The following GRK2 variants were observed in gnomAD, a reference collection of about 807,000 sequenced individuals.
The protein encoded by GRK2 is G protein-coupled receptor kinase 2.
A neutral mutation model predicts 97.8 loss-of-function variants in GRK2; 23 were observed. The ratio of observed to expected loss-of-function variants is 0.24; its 90% CI spans 0.17 to 0.33. The LOEUF (loss-of-function observed/expected upper bound fraction) is 0.33, where lower values mean the gene tolerates loss of function less well. Ranked by LOEUF, GRK2 falls within the 10% of genes least tolerant of loss-of-function variation. GRK2 has a pLI of 1.00. For synonymous variants in GRK2, 425 were observed against 381.7 expected (o/e 1.11, Z -1.32); for missense variants, 633 against 956.9 (o/e 0.66, Z 4.47).
intron 15 of GRK2, 128 bp downstream of exon 15, chr11:67,283,356 C>A: frequency 1.2e-6 from 1 of 808,690 alleles, no homozygotes; most frequent in South Asian, 1.5e-5. Context: ...TGGGGCATGG[C>A]CAGCCCTGTC....
At chr11:67,274,430 A>G (rs1484174985) in intron 1 of GRK2, among the ~76,000 whole-genome samples, 8 of 141,408 alleles carry the variant, frequency 5.7e-5, no homozygotes, top group Non-Finnish European at 1.1e-4. Flanking sequence ...GGTGACCCCT[A>G]CAGGCTGGGA....
Position 67,283,927 on chromosome 11 carries a change from A to C in GRK2, c.1469A>C (p.Glu490Ala), listed in dbSNP as rs377477573. Reference sequence around the variant, plus strand: ...GCCTTCGACATTGGCTCCTTCGATGAGGAGGACACAAAAGGAATCAAGGTA... The same window carrying C: ...GCCTTCGACATTGGCTCCTTCGATGCGGAGGACACAAAAGGAATCAAGGTA... Reference protein sequence around the residue: ...ADAFDIGSFDEEDTKGIKLLD... With the variant: ...ADAFDIGSFDAEDTKGIKLLD... Residue 490 changes from glutamate (E) to alanine (A), a missense_variant, in exon 17 of 21, where the codon GAG becomes GCG. Around this residue, in one of 4 missense-constraint regions of GRK2, gnomAD observed 180 missense variants for 311.3 expected, o/e 0.58. Coordinates refer to ENST00000308595, the MANE Select transcript of GRK2 (RefSeq NM_001619.5). The C allele has an allele frequency of 3.7e-6, 6 of 1,611,736 alleles. No individual in the cohort carries two copies. Among genetic ancestry groups the C allele is most frequent in the Non-Finnish European group, 5.1e-6 (6 of 1,179,326 alleles).
chr11:67,267,401 C>T (rs1223649925), intron 1 of GRK2, among the ~76,000 whole-genome samples: 1 of 152,236 alleles, frequency 6.6e-6, no homozygotes, highest in African/African-American at 2.4e-5. Context: ...CTGGTGGGGT[C>T]GCTGTCCTGG....
intron 1 of GRK2, among the ~76,000 whole-genome samples, chr11:67,272,958 G>T (rs1485662447): frequency 6.6e-6 from 1 of 152,262 alleles, no homozygotes; most frequent in African/African-American, 2.4e-5. Flanking sequence ...AGCATGGACT[G>T]TCGGTGAGCC....
rs61763967 is a variant in GRK2 at position 67,282,855 on chromosome 11, G to T, written c.1227+37G>T. ...TCTCAGTGCAGGGCCGCAGGGGGCT[G>T]GGGGGAGCTCCTGTGGGTGCCAGGC... is the stretch of plus-strand genomic sequence containing the variant. On this transcript the variant is annotated intron_variant, in intron 14 of 20. Coordinates refer to ENST00000308595, the MANE Select transcript of GRK2 (RefSeq NM_001619.5). The surrounding 1 kb of genome is among the most constrained non-coding windows in gnomAD (Gnocchi z 6.9). 685 of 1,574,594 alleles carry T rather than the reference G, an allele frequency of 4.4e-4. 7 individuals carry two copies. In the South Asian group the frequency reaches 4.4e-3, roughly 10 times the overall value.
chr11:67,270,183 C>G (rs750956583), intron 1 of GRK2, among the ~76,000 whole-genome samples: 4 of 152,208 alleles, frequency 2.6e-5, no homozygotes, highest in Non-Finnish European at 4.4e-5. Flanking sequence ...TTCCCAGCAG[C>G]CAGCAGTCTT....
In GRK2 at chr11:67,286,009, G is replaced by A; in HGVS notation, c.*559G>A. ...TTCAGGAAAAGCCTCTGTGTCACTG[G>A]CTGCCTCCACTCCCACTTCCCTGAC... On this transcript the variant is annotated 3_prime_UTR_variant, in exon 21 of 21. Coordinates refer to ENST00000308595, the MANE Select transcript of GRK2 (RefSeq NM_001619.5). 3.7e-6 allele frequency: 1 copy of A among 272,830 alleles called. No homozygotes were observed. The allele number at this position is 272,830 out of a possible 1,614,324, so 16.9% of individuals were successfully genotyped here. A position where few individuals can be genotyped will look rare whatever the true frequency, so the allele number is the denominator to read the frequency against.
chr11:67,275,921 G>A (rs958594659), intron 1 of GRK2, among the ~76,000 whole-genome samples: 1 of 152,166 alleles, frequency 6.6e-6, no homozygotes, highest in African/African-American at 2.4e-5. Flanking sequence ...GGAGCAGGGG[G>A]TGGCTTTGGC....
intron 2 of GRK2, 107 bp from the exon 3 acceptor site, chr11:67,279,093 C>T (rs1268462189): frequency 1.6e-5 from 15 of 929,712 alleles, no homozygotes; most frequent in Non-Finnish European, 2.6e-5. Flanking sequence ...CCACCTTTGC[C>T]ACCTCCATAG....
Position 67,279,525 on chromosome 11 carries a change from T to A in GRK2, c.366+6T>A. ...AGCTGCTGGCCTGCTCGCATGTGAG[T>A]GTCCTCAGCTGGCCCTGTGTGCTGG... On this transcript the variant is annotated splice_donor_region_variant and intron_variant, in intron 4 of 20. Coordinates refer to ENST00000308595, the MANE Select transcript of GRK2 (RefSeq NM_001619.5). The A allele has an allele frequency of 6.2e-7, 1 of 1,612,970 alleles. No homozygotes were observed. The highest frequency in any genetic ancestry group is 8.5e-7 in the Non-Finnish European group (1 of 1,179,898).
intron 2 of GRK2, 52 bp from the exon 3 acceptor site, chr11:67,279,146 TGG>T (rs1860092485): frequency 6.8e-7 from 1 of 1,461,872 alleles, no homozygotes; most frequent in Non-Finnish European, 9.6e-7. Flanking sequence ...TCCACAATGA[TGG>T]GAAGGCCTCT....
In GRK2 at chr11:67,282,451, A is replaced by C; in HGVS notation, c.1069A>C (p.Met357Leu). The C allele has an allele frequency of 1.2e-6, 2 of 1,612,436 alleles. No homozygotes were observed. The highest frequency in any genetic ancestry group is 1.1e-5 in the South Asian group (1 of 91,022). ...CTCCCACAGGGGCACCCACGGGTAC[A>C]TGGCTCCGGAGGTCCTGCAGAAGGG... ...PHASVGTHGYMAPEVLQKGVA... is the reference protein window; with the variant it reads ...PHASVGTHGYLAPEVLQKGVA... The change falls in exon 13 of 21, where the codon ATG becomes CTG. Residue 357 changes from methionine (M) to leucine (L), a missense_variant. This residue lies in a region of GRK2 where 192 missense variants were observed against 362.3 expected (regional missense o/e 0.53). Coordinates refer to ENST00000308595, the MANE Select transcript of GRK2 (RefSeq NM_001619.5). The surrounding 1 kb of genome is among the most constrained non-coding windows in gnomAD (Gnocchi z 6.9).
Position 67,283,756 on chromosome 11 carries a change from A to G in GRK2, c.1378A>G (p.Met460Val). ...SPFFRSLDWQMVFLQKYPPPL... is the reference protein window; with the variant it reads ...SPFFRSLDWQVVFLQKYPPPL... ...CTTTTTCCGCTCCCTGGACTGGCAGATGGTCTTCTTGCAGAAGGTAACAGT... is the reference window on the plus strand; with the variant it reads ...CTTTTTCCGCTCCCTGGACTGGCAGGTGGTCTTCTTGCAGAAGGTAACAGT... The change falls in exon 16 of 21, where the codon ATG becomes GTG. Residue 460 changes from methionine to valine, a missense_variant. Physicochemically the swap from Met to Val is conservative, Grantham distance 21 (BLOSUM62 1). This residue lies in a region of GRK2 where 68 missense variants were observed against 71.0 expected (regional missense o/e 0.96). Coordinates refer to ENST00000308595, the MANE Select transcript of GRK2 (RefSeq NM_001619.5). 2 of 1,613,724 alleles carry G rather than the reference A, an allele frequency of 1.2e-6. No homozygotes were observed. Among genetic ancestry groups the G allele is most frequent in the South Asian group, 2.2e-5 (2 of 91,084 alleles).
At chr11:67,272,692 C>T (rs1350412511) in intron 1 of GRK2, among the ~76,000 whole-genome samples, 1 of 152,244 alleles carries the variant, frequency 6.6e-6, no homozygotes, top group Middle Eastern at 3.2e-3. Context: ...CTGACTGCTC[C>T]TTCCCAAAGC....
Position 67,281,391 on chromosome 11 carries a change from C to T in GRK2, c.648-68C>T, listed in dbSNP as rs551435612. 2.5e-5 allele frequency: 36 copies of T among 1,430,438 alleles called. No individual in the cohort carries two copies. Among genetic ancestry groups the T allele is most frequent in the Non-Finnish European group, 2.9e-5 (30 of 1,019,388 alleles). 88.6% of individuals were successfully genotyped at this position (1,430,438 alleles called of 1,614,324 possible). Reference sequence around the variant, plus strand: ...TCCTGGGTCTAGTCTTTCCCTCAAGCGCCCCCTGAGGCAGCCCTGGGCCCC... The same window carrying T: ...TCCTGGGTCTAGTCTTTCCCTCAAGTGCCCCCTGAGGCAGCCCTGGGCCCC... On this transcript the variant is annotated intron_variant, in intron 8 of 20. Coordinates refer to ENST00000308595, the MANE Select transcript of GRK2 (RefSeq NM_001619.5). The surrounding 1 kb of genome is among the most constrained non-coding windows in gnomAD (Gnocchi z 5.7).
chr11:67,268,155 G>A (rs966132537), intron 1 of GRK2, among the ~76,000 whole-genome samples: 1 of 152,186 alleles, frequency 6.6e-6, no homozygotes, highest in African/African-American at 2.4e-5. Context: ...TGTGGATGGC[G>A]TGAAATAAGA....
chr11:67,270,234 G>C (rs866756699), intron 1 of GRK2, among the ~76,000 whole-genome samples: 7 of 152,114 alleles, frequency 4.6e-5, no homozygotes, highest in Non-Finnish European at 1.0e-4. Flanking sequence ...CTGAGGCCTC[G>C]TGTAATTAAT....
chr11:67,267,832 A>T (rs1157211222), intron 1 of GRK2, among the ~76,000 whole-genome samples: 1 of 152,214 alleles, frequency 6.6e-6, no homozygotes, highest in Non-Finnish European at 1.5e-5. Context: ...ACAGATGGGG[A>T]AACTGAAGCT....
In GRK2 at chr11:67,276,737, TG is replaced by T. The variant is rs1860034899; in HGVS notation, c.114-534del. 1 of 152,418 alleles carries T rather than the reference TG, an allele frequency of 6.6e-6. No homozygotes were observed. Among genetic ancestry groups the T allele is most frequent in the South Asian group, 2.0e-4 (1 of 4,970 alleles). 9.4% of individuals were successfully genotyped at this position (152,418 alleles called of 1,614,324 possible). ...CTCCAGCCCCCGGCAGCCACGGATC[TG>T]CGTTCTGTGTCCGTGGATCTGTTCA... is the stretch of plus-strand genomic sequence containing the variant. On this transcript the variant is annotated intron_variant, in intron 1 of 20. Transcript: ENST00000308595. The surrounding 1 kb of genome is among the most constrained non-coding windows in gnomAD (Gnocchi z 4.2).
Sources: allele counts gnomAD v4.1 joint callset (sites outside exome capture counted in the v4.1 genomes callset), GRCh38; gene constraint gnomAD v4.1.1; regional missense constraint gnomAD v4.1.1; non-coding constraint Gnocchi (gnomAD v3.1); transcripts MANE v1.5; gene names NCBI Gene and HGNC (gene_info 2026-07-23, HGNC 2026-07-21).